TMEM128: variants seen among roughly 807,000 people sequenced by gnomAD.
The protein encoded by TMEM128 is transmembrane protein 128.
TMEM128 carries 16 observed loss-of-function variants against 19.7 expected under a neutral mutation model. That is an observed-to-expected ratio of 0.81 (90% CI 0.55 to 1.23). The LOEUF is 1.23. TMEM128 is among the 50% of genes most tolerant of loss of function. TMEM128 has a pLI of 0.00. For missense variants in TMEM128, 237 were observed against 200.8 expected, an observed-to-expected ratio of 1.18 and a Z score of -1.09; for synonymous variants, 98 against 75.8, an observed-to-expected ratio of 1.29 and a Z score of -1.52.
chr4:4,243,864 C>T (rs67347119), intron 2 of TMEM128, among the ~76,000 whole-genome samples: 47,041 of 152,004 alleles, frequency 0.31, 7,907 homozygotes, highest in East Asian at 0.46. Flanking sequence ...TGCCATTTCT[C>T]TAAACTACTA....
chr4:4,239,052 A>AG (rs986979338), intron 3 of TMEM128, among the ~76,000 whole-genome samples: 59 of 152,318 alleles, frequency 3.9e-4, no homozygotes, highest in African/African-American at 1.3e-3. Context: ...AGAAAAAAAA[A>AG]TCCAATTGAT....
In TMEM128 at chr4:4,240,423, C is replaced by T; in HGVS notation, c.296G>A (p.Cys99Tyr). ...LLVSLSIAFYCIVYLEWYCGI... is the reference protein window; with the variant it reads ...LLVSLSIAFYYIVYLEWYCGI... ...ACAATACCATTCCAGGTAGACTATG[C>T]AGTAAAATGCAATTGATAAACTGAC... The change falls in exon 3 of 5, where the codon TGC (cysteine) becomes TAC (tyrosine). Residue 99 changes from cysteine (C) to tyrosine (Y), a missense_variant. Physicochemically the swap from Cys to Tyr is radical, Grantham distance 194. Transcript: ENST00000382753. 1 of 1,613,822 alleles carries T rather than the reference C, an allele frequency of 6.2e-7. No homozygotes were observed. The highest frequency in any genetic ancestry group is 8.5e-7 in the Non-Finnish European group (1 of 1,179,850).
chr4:4,247,446 T>G (rs868490311), intron 1 of TMEM128, among the ~76,000 whole-genome samples: 1 of 151,232 alleles, frequency 6.6e-6, no homozygotes, highest in East Asian at 1.9e-4. Context: ...ATGGACGTGG[T>G]TTTAAAACAT....
intron 2 of TMEM128, among the ~76,000 whole-genome samples, chr4:4,242,956 G>C (rs1718022299): frequency 6.6e-6 from 1 of 152,190 alleles, no homozygotes; most frequent in Non-Finnish European, 1.5e-5. Context: ...TTCTGGGCCT[G>C]AGCATCTAGG....
At position 4,248,127 on chromosome 4, in the gene TMEM128, G is replaced by T; in HGVS notation, c.76C>A (p.Arg26Ser). 2 of 1,535,714 alleles carry T rather than the reference G, an allele frequency of 1.3e-6. No individual in the cohort carries two copies. The highest frequency in any genetic ancestry group is 8.7e-7 in the Non-Finnish European group (1 of 1,143,588). ...TCACCCGGCCCGGCGTCACCCTCGC[G>T]GTCCAGCTGGGCCTCGGCGTCCGGC... ...LLPDAEAQLD[R>S]EGDAGPETST... The change falls in exon 1 of 5, where the codon CGC (arginine) becomes AGC (serine). Residue 26 changes from arginine to serine, a missense_variant. Coordinates refer to ENST00000382753, the MANE Select transcript of TMEM128 (RefSeq NM_001297551.2).
chr4:4,241,355 C>T (rs11734952), intron 2 of TMEM128, among the ~76,000 whole-genome samples: 47,047 of 152,078 alleles, frequency 0.31, 7,894 homozygotes, highest in East Asian at 0.46. Context: ...CCTTTTTACT[C>T]CCTTCCAATT....
At chr4:4,240,853 G>A (rs1486152045) in intron 2 of TMEM128, among the ~76,000 whole-genome samples, 1 of 152,236 alleles carries the variant, frequency 6.6e-6, no homozygotes, top group African/African-American at 2.4e-5. Context: ...CGAGGCAGGT[G>A]GATCACCTGA....
chr4:4,247,588 C>CA, intron 1 of TMEM128: 1 of 1,614,212 alleles, frequency 6.2e-7, no homozygotes, highest in African/African-American at 1.3e-5. Context: ...GGTGAACATA[C>CA]ATCACAAGTT....
intron 2 of TMEM128, among the ~76,000 whole-genome samples, chr4:4,243,908 T>C (rs1432620051): frequency 6.6e-6 from 1 of 152,146 alleles, no homozygotes; most frequent in Non-Finnish European, 1.5e-5. Flanking sequence ...AATACAGAAG[T>C]TCTCTCACAT....
intron 1 of TMEM128, chr4:4,247,486 T>C: frequency 7.2e-7 from 1 of 1,383,812 alleles, no homozygotes; most frequent in Non-Finnish European, 1.0e-6. Context: ...AAATGAAGTA[T>C]CTGTCTCCCA....
chr4:4,238,759 G>T (rs1220583946), intron 3 of TMEM128, among the ~76,000 whole-genome samples: 18 of 152,118 alleles, frequency 1.2e-4, no homozygotes, highest in Admixed American at 1.2e-3. Context: ...TTAGGCCGGG[G>T]GTGGTGGCGC....
chr4:4,247,589 A>C, intron 1 of TMEM128: 1 of 1,614,218 alleles, frequency 6.2e-7, no homozygotes, highest in Non-Finnish European at 8.5e-7. Context: ...GTGAACATAC[A>C]TCACAAGTTA....
chr4:4,240,508 G>C, intron 2 of TMEM128, 29 bp from the exon 3 acceptor site: 12 of 1,599,506 alleles, frequency 7.5e-6, no homozygotes, highest in Non-Finnish European at 9.4e-6. Flanking sequence ...TAAGAGGTCT[G>C]ACAGCACTTA....
rs755405213 is a variant in TMEM128, at chr4:4,248,193, A to G, written c.10T>C (p.Ser4Pro). MDS[S>P]RARQQLRRRF... ...CGCCGGAGCTGCTGCCGGGCCCGCG[A>G]GGAGTCCATCTTGGTACCGCCCCGA... The change falls in exon 1 of 5, where the codon TCG becomes CCG. Residue 4 changes from serine (S) to proline (P), a missense_variant. Physicochemically the swap from Ser to Pro is moderately conservative, Grantham distance 74. Transcript: ENST00000382753. 9.2e-6 allele frequency: 14 copies of G among 1,525,578 alleles called. No homozygotes were observed. Among genetic ancestry groups the G allele is most frequent in the Admixed American group, 6.1e-5 (3 of 49,374 alleles). The allele number at this position is 1,525,578 out of a possible 1,614,324, so 94.5% of individuals were successfully genotyped here.
intron 1 of TMEM128, among the ~76,000 whole-genome samples, chr4:4,247,141 C>T (rs1222350843): frequency 6.6e-6 from 1 of 152,200 alleles, no homozygotes; most frequent in Non-Finnish European, 1.5e-5. Flanking sequence ...TCCAGCACAG[C>T]ACTGTCTAGA....
Position 4,246,299 on chromosome 4 carries a change from G to T in TMEM128, c.142C>A (p.Leu48Ile). Residue 48 changes from leucine (L) to isoleucine (I), a missense_variant, in exon 2 of 5, where the codon CTT (leucine) becomes ATT (isoleucine). Transcript: ENST00000382753. ...VEKKEKPLPR[L>I]NIHSGFWILA... ...ATCCAGAATCCAGAATGGATATTAA[G>T]TCTTGGAAGAGGTTTCTCCTTTTTC... is the stretch of plus-strand genomic sequence containing the variant. 6.2e-7 allele frequency: 1 copy of T among 1,612,728 alleles called. No individual in the cohort carries two copies. The highest frequency in any genetic ancestry group is 8.5e-7 in the Non-Finnish European group (1 of 1,179,532).
intron 3 of TMEM128, among the ~76,000 whole-genome samples, chr4:4,238,177 A>T (rs1717803190): frequency 6.6e-6 from 1 of 152,220 alleles, no homozygotes; most frequent in African/African-American, 2.4e-5. Flanking sequence ...AAGGTCTCCT[A>T]ATAGGGGTTG....
At chr4:4,244,024 A>G (rs1415464611) in intron 2 of TMEM128, among the ~76,000 whole-genome samples, 1 of 152,126 alleles carries the variant, frequency 6.6e-6, no homozygotes, top group African/African-American at 2.4e-5. Flanking sequence ...AGCACATACC[A>G]TGCGGCCTGG....
chr4:4,246,519 T>C (rs1314346653), intron 1 of TMEM128, among the ~76,000 whole-genome samples, 176 bp from the exon 2 acceptor site: 2 of 152,216 alleles, frequency 1.3e-5, no homozygotes, highest in Non-Finnish European at 2.9e-5. Context: ...GAGCCCACTA[T>C]AAAATATGGT....
Sources: gnomAD v4.1 joint callset for allele counts (sites outside exome capture counted in the v4.1 genomes callset) on GRCh38, gnomAD v4.1.1 for gene constraint, MANE v1.5 for transcripts, NCBI Gene and HGNC (gene_info 2026-07-23, HGNC 2026-07-21) for gene names.